DIAPH3: variants seen among roughly 807,000 people sequenced by gnomAD.
DIAPH3 encodes the protein protein diaphanous homolog 3.
Under a neutral mutation model 144.3 loss-of-function variants are expected in DIAPH3, and 117 were observed. The observed-to-expected ratio is 0.81, with a 90% CI of 0.70 to 0.95. The LOEUF is 0.95. DIAPH3 is among the 40% of genes least tolerant of loss of function. DIAPH3 has a pLI of 0.00. For missense variants in DIAPH3, 1,421 were observed against 1,412.7 expected, an observed-to-expected ratio of 1.01 and a Z score of -0.09; for synonymous variants, 519 against 488.9, an observed-to-expected ratio of 1.06 and a Z score of -0.81.
intron 12 of DIAPH3, among the ~76,000 whole-genome samples, chr13:59,987,491 A>AG (rs1299555348): frequency 1.5e-4 from 19 of 125,908 alleles, no homozygotes; most frequent in Middle Eastern, 4.1e-3. Context: ...AAAAAAAAAG[A>AG]AAAAAAAAAA....
chr13:59,753,579 A>G (rs569338602), intron 27 of DIAPH3, among the ~76,000 whole-genome samples: 98 of 152,186 alleles, frequency 6.4e-4, no homozygotes, highest in Non-Finnish European at 9.7e-4. Context: ...AGTAATATCT[A>G]TATTTTAATT....
rs115819291 is a variant in DIAPH3, at chr13:59,802,515, G to C, written c.3163+8273C>G. On this transcript the variant is annotated intron_variant, in intron 25 of 27. Transcript: ENST00000400324. ...CAATAACTCATTATTTTTCAACACA[G>C]ACTGGTCATTTTGCAAATGCATACT... 2.9e-3 allele frequency among the ~76,000 whole-genome samples: 421 copies of C among 145,914 alleles called. 2 individuals are homozygous for C. The highest frequency in any genetic ancestry group is 9.8e-3 in the African/African-American group (393 of 39,900).
intron 27 of DIAPH3, among the ~76,000 whole-genome samples, chr13:59,725,226 A>T (rs2035550618): frequency 6.6e-6 from 1 of 152,230 alleles, no homozygotes; most frequent in South Asian, 2.1e-4. Context: ...TGTTTTTCAT[A>T]GGCAAAGAAA....
At chr13:60,104,522 T>C (rs1339996216) in intron 3 of DIAPH3, among the ~76,000 whole-genome samples, 1 of 150,762 alleles carries the variant, frequency 6.6e-6, no homozygotes, top group Non-Finnish European at 1.5e-5. Context: ...GTAAACTATC[T>C]TAATTGAAAA....
intron 17 of DIAPH3, among the ~76,000 whole-genome samples, chr13:59,946,486 TAGCA>T (rs1422747878): frequency 6.6e-6 from 1 of 152,160 alleles, no homozygotes; most frequent in African/African-American, 2.4e-5. Context: ...GCTCAATAGA[TAGCA>T]TATGAAACAC....
chr13:59,709,636 C>T (rs1385483372), intron 27 of DIAPH3, among the ~76,000 whole-genome samples: 2 of 152,188 alleles, frequency 1.3e-5, no homozygotes, highest in African/African-American at 4.8e-5. Flanking sequence ...AACACTTTTA[C>T]ACTGTTAGTG....
Position 59,911,721 on chromosome 13 carries a change from G to A in DIAPH3, c.2367+14C>T. 1.9e-6 allele frequency: 3 copies of A among 1,599,714 alleles called. No individual in the cohort carries two copies. The highest frequency in any genetic ancestry group is 2.6e-6 in the Non-Finnish European group (3 of 1,167,150). ...GGCACAGTATAAAAATCCTCTCTGA[G>A]ACTCGGTACTTACCACAACCACAAA... On this transcript the variant is annotated intron_variant, in intron 20 of 27. Coordinates refer to ENST00000400324, the MANE Select transcript of DIAPH3 (RefSeq NM_001042517.2).
intron 2 of DIAPH3, among the ~76,000 whole-genome samples, chr13:60,117,976 T>C (rs962161581): frequency 6.6e-6 from 1 of 152,156 alleles, no homozygotes; most frequent in Non-Finnish European, 1.5e-5. Context: ...ATACAAACAA[T>C]TTGCCTTTGT....
chr13:59,994,403 T>C (rs1236467831), intron 9 of DIAPH3, among the ~76,000 whole-genome samples: 1 of 151,922 alleles, frequency 6.6e-6, no homozygotes, highest in Non-Finnish European at 1.5e-5. Flanking sequence ...AATTTCACAA[T>C]AATTTAGCAT....
chr13:59,677,095 C>T (rs1295610637), intron 27 of DIAPH3, among the ~76,000 whole-genome samples: 1 of 151,936 alleles, frequency 6.6e-6, no homozygotes, highest in East Asian at 1.9e-4. Context: ...ATTCCCAAGC[C>T]CTAGCACAGT....
At chr13:59,808,235 T>C in intron 25 of DIAPH3, among the ~76,000 whole-genome samples, 1 of 151,680 alleles carries the variant, frequency 6.6e-6, no homozygotes, top group Non-Finnish European at 1.5e-5. Context: ...TAGAAGGAGG[T>C]ATTTAAAATG....
Position 59,839,314 on chromosome 13 carries a change from A to T in DIAPH3, c.2862+10T>A, listed in dbSNP as rs1442157743. Reference sequence around the variant, plus strand: ...TAGTGACTTAAGTTATTTAGCTATCAAAAGGATATGGACATCTTTGTCACA... The same window carrying T: ...TAGTGACTTAAGTTATTTAGCTATCTAAAGGATATGGACATCTTTGTCACA... On this transcript the variant is annotated intron_variant, in intron 23 of 27. Coordinates refer to ENST00000400324, the MANE Select transcript of DIAPH3 (RefSeq NM_001042517.2). 6.2e-7 allele frequency: 1 copy of T among 1,612,800 alleles called. No homozygotes were observed. Among genetic ancestry groups the T allele is most frequent in the African/African-American group, 1.3e-5 (1 of 74,854 alleles).
rs570897661 is a variant in DIAPH3, at chr13:59,787,675, T to C, written c.3164-12852A>G. Among the ~76,000 whole-genome samples the C allele has an allele frequency of 2.0e-5, 3 of 151,594 alleles. No homozygotes were observed. In the East Asian group the frequency reaches 5.9e-4, roughly 30 times the overall value. On this transcript the variant is annotated intron_variant, in intron 25 of 27. Transcript: ENST00000400324. Reference sequence around the variant, plus strand: ...TGATTTTCTTAAAATAAAGAATGCTTGTAACTCAGTAAGAAACACCAAGAA... The same window carrying C: ...TGATTTTCTTAAAATAAAGAATGCTCGTAACTCAGTAAGAAACACCAAGAA...
At chr13:59,753,850 C>T (rs1013508315) in intron 27 of DIAPH3, among the ~76,000 whole-genome samples, 4 of 152,144 alleles carry the variant, frequency 2.6e-5, no homozygotes, top group Non-Finnish European at 5.9e-5. Context: ...ACAGCGTTAG[C>T]TTTTATGGGC....
At chr13:59,828,303 T>C (rs2041569960) in intron 24 of DIAPH3, among the ~76,000 whole-genome samples, 1 of 152,028 alleles carries the variant, frequency 6.6e-6, no homozygotes, top group African/African-American at 2.4e-5. Context: ...ACACATTTCA[T>C]GTTTTGAAAT....
At chr13:59,747,199 G>GAAA (rs1427770305) in intron 27 of DIAPH3, among the ~76,000 whole-genome samples, 2 of 151,396 alleles carry the variant, frequency 1.3e-5, no homozygotes, top group Non-Finnish European at 1.5e-5. Flanking sequence ...GTACCAATAT[G>GAAA]AAAAAAAAAT....
At chr13:60,155,768 C>T (rs1389875140) in intron 1 of DIAPH3, among the ~76,000 whole-genome samples, 2 of 152,170 alleles carry the variant, frequency 1.3e-5, no homozygotes, top group African/African-American at 2.4e-5. Flanking sequence ...TTAGATATCA[C>T]CTCCATCTTT....
intron 4 of DIAPH3, among the ~76,000 whole-genome samples, chr13:60,060,904 A>G (rs893389371): frequency 2.6e-4 from 40 of 152,124 alleles, no homozygotes; most frequent in Non-Finnish European, 1.6e-4. Flanking sequence ...CCTAAAAGAT[A>G]CATTCAAATA....
At chr13:59,820,621 C>T (rs1447852036) in intron 24 of DIAPH3, among the ~76,000 whole-genome samples, 1 of 151,476 alleles carries the variant, frequency 6.6e-6, no homozygotes, top group Non-Finnish European at 1.5e-5. Context: ...AATCAATGTG[C>T]ATTTTCCCCT....
Sources: gnomAD v4.1 joint callset for allele counts (sites outside exome capture counted in the v4.1 genomes callset) on GRCh38, gnomAD v4.1.1 for gene constraint, MANE v1.5 for transcripts, NCBI Gene and HGNC (gene_info 2026-07-23, HGNC 2026-07-21) for gene names.